The following MVB12B variants were observed in gnomAD, a reference collection of about 807,000 sequenced individuals.
MVB12B encodes the protein multivesicular body subunit 12B.
A neutral mutation model predicts 41.6 loss-of-function variants in MVB12B; 16 were observed. The observed-to-expected ratio is 0.38, with a 90% CI of 0.26 to 0.58. MVB12B has a LOEUF of 0.58. Ranked by LOEUF, MVB12B falls within the 20% of genes least tolerant of loss-of-function variation. The pLI, the probability that MVB12B is intolerant of heterozygous loss-of-function variation, is 0.62. For synonymous variants in MVB12B, 133 were observed against 139.7 expected (o/e 0.95, Z 0.34); for missense variants, 274 against 380.2 (o/e 0.72, Z 2.32).
chr9:126,334,022 A>G (rs1439380321), intron 1 of MVB12B, among the ~76,000 whole-genome samples: 1 of 152,318 alleles, frequency 6.6e-6, no homozygotes, highest in South Asian at 2.1e-4. Context: ...CTGCATCAGT[A>G]TCTCAGGGGG....
At chr9:126,401,459 C>T (rs1222277019) in intron 6 of MVB12B, among the ~76,000 whole-genome samples, 5 of 152,236 alleles carry the variant, frequency 3.3e-5, no homozygotes, top group Non-Finnish European at 5.9e-5. Flanking sequence ...GGAAATGGGG[C>T]ATTTTGATTG....
intron 1 of MVB12B, among the ~76,000 whole-genome samples, chr9:126,339,341 A>G (rs1829373623): frequency 6.6e-6 from 1 of 152,250 alleles, no homozygotes; most frequent in Non-Finnish European, 1.5e-5. Context: ...ACCAGCCTTG[A>G]GAGATCTGGC....
At chr9:126,451,248 G>A (rs749110136) in intron 7 of MVB12B, among the ~76,000 whole-genome samples, 1 of 152,212 alleles carries the variant, frequency 6.6e-6, no homozygotes, top group African/African-American at 2.4e-5. Flanking sequence ...GGCATGAAAA[G>A]CCTCATTCAA....
chr9:126,434,262 A>C (rs1295826960), intron 7 of MVB12B, among the ~76,000 whole-genome samples: 2 of 152,116 alleles, frequency 1.3e-5, no homozygotes, highest in Non-Finnish European at 2.9e-5. Flanking sequence ...AAAAATCTTC[A>C]ATCCTGCAGC....
At chr9:126,483,812 C>T (rs1247191552) in intron 8 of MVB12B, among the ~76,000 whole-genome samples, 161 bp from the exon 9 acceptor site, 1 of 152,194 alleles carries the variant, frequency 6.6e-6, no homozygotes, top group Admixed American at 6.5e-5. Context: ...GCCACCCCCA[C>T]GCGTGACCGA....
At position 126,506,781 on chromosome 9, in the gene MVB12B, C is replaced by T. The variant is rs1225717120; in HGVS notation, c.*3518C>T. 1 of 152,278 alleles carries T rather than the reference C, an allele frequency of 6.6e-6. No individual in the cohort carries two copies. Among genetic ancestry groups the T allele is most frequent in the African/African-American group, 2.4e-5 (1 of 41,440 alleles). The allele number at this position is 152,278 out of a possible 1,614,324, so 9.4% of individuals were successfully genotyped here. A position where few individuals can be genotyped will look rare whatever the true frequency, so the allele number is the denominator to read the frequency against. ...CAGCCCCTGCTTGGGCTGCCTGGCA[C>T]CCTCAGGGTGGCCCGGCCTCCTCCT... On this transcript the variant is annotated 3_prime_UTR_variant, in exon 10 of 10. Coordinates refer to ENST00000361171, the MANE Select transcript of MVB12B (RefSeq NM_033446.3).
intron 2 of MVB12B, among the ~76,000 whole-genome samples, chr9:126,374,402 T>C (rs4837070): frequency 0.63 from 96,256 of 152,110 alleles, 30,818 homozygotes; most frequent in African/African-American, 0.73. Flanking sequence ...CCTCAGGTAG[T>C]CAGTCCCACT....
intron 2 of MVB12B, among the ~76,000 whole-genome samples, chr9:126,362,024 G>C (rs988487772): frequency 6.6e-6 from 1 of 151,802 alleles, no homozygotes; most frequent in African/African-American, 2.4e-5. Context: ...GAGGGTTTCA[G>C]GCTGTCTTTA....
At chr9:126,360,914 G>T (rs372576787) in intron 2 of MVB12B, among the ~76,000 whole-genome samples, 2 of 152,194 alleles carry the variant, frequency 1.3e-5, no homozygotes, top group South Asian at 4.1e-4. Context: ...CTTTTGATTT[G>T]TGTTGGCATG....
chr9:126,400,428 G>A (rs1831235776), intron 6 of MVB12B, among the ~76,000 whole-genome samples: 1 of 152,168 alleles, frequency 6.6e-6, no homozygotes, highest in South Asian at 2.1e-4. Flanking sequence ...CAGATGCTAG[G>A]GGTGGTCAGA....
At chr9:126,501,802 C>T (rs182054600) in intron 9 of MVB12B, among the ~76,000 whole-genome samples, 53 of 152,318 alleles carry the variant, frequency 3.5e-4, no homozygotes, top group African/African-American at 1.2e-3. Context: ...CTTGGGAGGG[C>T]TCCTTGCTGC....
intron 6 of MVB12B, among the ~76,000 whole-genome samples, chr9:126,401,301 G>A (rs1350694668): frequency 1.3e-5 from 2 of 152,226 alleles, no homozygotes; most frequent in Admixed American, 6.5e-5. Flanking sequence ...AGGAGGTGAC[G>A]TGTTGCTCGC....
intron 2 of MVB12B, among the ~76,000 whole-genome samples, chr9:126,362,244 C>G (rs1328976473): frequency 2.0e-5 from 3 of 151,948 alleles, no homozygotes; most frequent in African/African-American, 7.3e-5. Context: ...TATATTGAAC[C>G]ACTAGATATT....
chr9:126,487,351 G>C (rs899435926), intron 9 of MVB12B, among the ~76,000 whole-genome samples: 2 of 152,192 alleles, frequency 1.3e-5, no homozygotes, highest in South Asian at 4.1e-4. Context: ...AAGGGCGTGA[G>C]TCGGCACAGG....
chr9:126,430,577 T>C (rs544455489), intron 7 of MVB12B, among the ~76,000 whole-genome samples: 1,974 of 82,896 alleles, frequency 0.024, 25 homozygotes, highest in Middle Eastern at 0.057. Context: ...GGCTCCCCTC[T>C]TTTTTTTTTT....
intron 9 of MVB12B, 33 bp from the exon 10 acceptor site, chr9:126,503,144 A>ACTGTGTCT (rs775015768): frequency 3.3e-5 from 50 of 1,530,572 alleles, no homozygotes; most frequent in Non-Finnish European, 4.4e-5. Flanking sequence ...CCATGGACTG[A>ACTGTGTCT]CTGTGTCTCT....
intron 1 of MVB12B, among the ~76,000 whole-genome samples, chr9:126,339,084 T>C (rs976650454): frequency 1.3e-5 from 2 of 152,236 alleles, no homozygotes; most frequent in Admixed American, 6.5e-5. Context: ...AGACTGCAGC[T>C]GTGCCAGGCA....
At chr9:126,500,216 G>A (rs889755231) in intron 9 of MVB12B, among the ~76,000 whole-genome samples, 3 of 152,204 alleles carry the variant, frequency 2.0e-5, no homozygotes, top group Non-Finnish European at 4.4e-5. Context: ...TACTGAAGGA[G>A]CAGAAGGGCG....
At chr9:126,483,226 C>T (rs1384770495) in intron 8 of MVB12B, among the ~76,000 whole-genome samples, 1 of 152,208 alleles carries the variant, frequency 6.6e-6, no homozygotes, top group Non-Finnish European at 1.5e-5. Flanking sequence ...GGACTGGACG[C>T]CCTCTGCCCT....
Sources: allele counts gnomAD v4.1 joint callset (sites outside exome capture counted in the v4.1 genomes callset), GRCh38; gene constraint gnomAD v4.1.1; transcripts MANE v1.5; gene names NCBI Gene and HGNC (gene_info 2026-07-23, HGNC 2026-07-21).